The following HS6ST3 variants were observed in gnomAD, a reference collection of about 807,000 sequenced individuals.
HS6ST3 encodes the protein heparan-sulfate 6-O-sulfotransferase 3.
Under a neutral mutation model 36.7 loss-of-function variants are expected in HS6ST3, and 12 were observed. That is an observed-to-expected ratio of 0.33 (90% CI 0.21 to 0.53). The LOEUF (loss-of-function observed/expected upper bound fraction) is 0.53. HS6ST3 is among the 20% of genes least tolerant of loss of function. The pLI is 0.95. For missense variants in HS6ST3, 584 were observed against 640.9 expected (o/e 0.91, Z 0.96); for synonymous variants, 240 against 257.5 (o/e 0.93, Z 0.65).
chr13:96,686,744 A>T (rs996465847), intron 1 of HS6ST3, among the ~76,000 whole-genome samples: 1 of 152,050 alleles, frequency 6.6e-6, no homozygotes, highest in African/African-American at 2.4e-5. Context: ...AGTTTGTAAC[A>T]TTCTCGCTGT....
At chr13:96,592,638 A>G (rs934264580) in intron 1 of HS6ST3, among the ~76,000 whole-genome samples, 10 of 151,960 alleles carry the variant, frequency 6.6e-5, no homozygotes, top group Non-Finnish European at 1.3e-4. Context: ...TTATTTATTT[A>G]TTTATTTATT....
intron 1 of HS6ST3, among the ~76,000 whole-genome samples, chr13:96,640,594 C>T (rs929503431): frequency 6.6e-6 from 1 of 151,876 alleles, no homozygotes. Context: ...GGTTTTGTCG[C>T]AATTGCTTTT....
At chr13:96,435,961 C>T (rs887640282) in intron 1 of HS6ST3, among the ~76,000 whole-genome samples, 14 of 152,170 alleles carry the variant, frequency 9.2e-5, no homozygotes, top group Admixed American at 6.5e-4. Flanking sequence ...GTCACGTAGT[C>T]GTCTCAGGCT....
intron 1 of HS6ST3, among the ~76,000 whole-genome samples, chr13:96,588,324 A>C (rs2056369635): frequency 6.6e-6 from 1 of 152,072 alleles, no homozygotes; most frequent in African/African-American, 2.4e-5. Flanking sequence ...TTTGAGTAAA[A>C]GCTTTCAAAG....
At chr13:96,607,239 T>G (rs575330935) in intron 1 of HS6ST3, among the ~76,000 whole-genome samples, 13 of 152,192 alleles carry the variant, frequency 8.5e-5, no homozygotes, top group East Asian at 5.8e-4. Flanking sequence ...GGAAAGAAAA[T>G]TAGATAATTA....
intron 1 of HS6ST3, among the ~76,000 whole-genome samples, chr13:96,219,957 C>G (rs1345248338): frequency 1.3e-5 from 2 of 152,200 alleles, no homozygotes; most frequent in African/African-American, 4.8e-5. Flanking sequence ...GTTGGGATTA[C>G]AGGTGTGAGC....
chr13:96,683,863 C>T (rs1874688886), intron 1 of HS6ST3, among the ~76,000 whole-genome samples: 1 of 151,972 alleles, frequency 6.6e-6, no homozygotes, highest in Non-Finnish European at 1.5e-5. Flanking sequence ...AATCTGAAAA[C>T]AATTAAATGT....
intron 1 of HS6ST3, among the ~76,000 whole-genome samples, chr13:96,342,148 G>A (rs2055133938): frequency 6.6e-6 from 1 of 151,774 alleles, no homozygotes; most frequent in Admixed American, 6.6e-5. Flanking sequence ...ATAATATTTA[G>A]AACTCATTGA....
At chr13:96,606,736 A>G (rs1189189749) in intron 1 of HS6ST3, among the ~76,000 whole-genome samples, 1 of 152,108 alleles carries the variant, frequency 6.6e-6, no homozygotes, top group Non-Finnish European at 1.5e-5. Flanking sequence ...CACATGACAG[A>G]TCTGCCCATG....
At chr13:96,631,385 T>C (rs1030758520) in intron 1 of HS6ST3, among the ~76,000 whole-genome samples, 10 of 152,224 alleles carry the variant, frequency 6.6e-5, no homozygotes, top group Admixed American at 2.6e-4. Flanking sequence ...TATAAATTTT[T>C]AATCATGAAA....
At chr13:96,572,932 A>C (rs1359729817) in intron 1 of HS6ST3, among the ~76,000 whole-genome samples, 1 of 152,226 alleles carries the variant, frequency 6.6e-6, no homozygotes, top group Non-Finnish European at 1.5e-5. Flanking sequence ...CAAATCATTC[A>C]TGTACGTCAG....
At chr13:96,134,492 A>G (rs2053991626) in intron 1 of HS6ST3, among the ~76,000 whole-genome samples, 1 of 151,260 alleles carries the variant, frequency 6.6e-6, no homozygotes, top group Admixed American at 6.6e-5. Context: ...TAACAGTGTC[A>G]TAATTTTTTC....
intron 1 of HS6ST3, among the ~76,000 whole-genome samples, chr13:96,357,081 C>T (rs1172865761): frequency 6.6e-6 from 1 of 152,226 alleles, no homozygotes; most frequent in African/African-American, 2.4e-5. Context: ...CCTCACTTCT[C>T]TCAGCCTTCC....
At chr13:96,396,520 G>A (rs2055422393) in intron 1 of HS6ST3, among the ~76,000 whole-genome samples, 1 of 152,124 alleles carries the variant, frequency 6.6e-6, no homozygotes, top group African/African-American at 2.4e-5. Flanking sequence ...GCATTAAGCT[G>A]AATTTTAATG....
chr13:96,391,398 C>G (rs2055394541), intron 1 of HS6ST3, among the ~76,000 whole-genome samples: 1 of 152,128 alleles, frequency 6.6e-6, no homozygotes, highest in African/African-American at 2.4e-5. Context: ...CATGCACTTT[C>G]ATAGTTATTT....
Position 96,286,198 on chromosome 13 carries a change from G to A in HS6ST3, c.707+194629G>A, listed in dbSNP as rs187231393. Among the ~76,000 whole-genome samples the A allele has an allele frequency of 2.0e-5, 3 of 152,270 alleles. No individual in the cohort carries two copies. The East Asian group carries it at 5.8e-4, about 29-fold the overall frequency. ...AAGTGGCAATCTCAGAGAACAGAGT[G>A]AGGCTCTTTCTGTGTAGCTTAGGCA... On this transcript the variant is annotated intron_variant, in intron 1 of 1. Coordinates refer to ENST00000376705, the MANE Select transcript of HS6ST3 (RefSeq NM_153456.4).
intron 1 of HS6ST3, among the ~76,000 whole-genome samples, chr13:96,106,621 A>T (rs1427846504): frequency 2.0e-5 from 3 of 152,254 alleles, no homozygotes; most frequent in African/African-American, 7.2e-5. Context: ...CACAGAGCAC[A>T]GGAAGTATCT....
intron 1 of HS6ST3, among the ~76,000 whole-genome samples, chr13:96,736,971 A>C (rs1426757377): frequency 2.0e-5 from 3 of 152,206 alleles, no homozygotes; most frequent in African/African-American, 7.2e-5. Flanking sequence ...AAATCATAGC[A>C]CTAACTGATT....
chr13:96,127,488 C>G (rs1467566410), intron 1 of HS6ST3, among the ~76,000 whole-genome samples: 1 of 152,194 alleles, frequency 6.6e-6, no homozygotes, highest in Non-Finnish European at 1.5e-5. Flanking sequence ...GTGTTGCTCG[C>G]TTGCCTGCCA....
Sources: gnomAD v4.1 joint callset for allele counts (sites outside exome capture counted in the v4.1 genomes callset) on GRCh38, gnomAD v4.1.1 for gene constraint, MANE v1.5 for transcripts, NCBI Gene and HGNC (gene_info 2026-07-23, HGNC 2026-07-21) for gene names.